Variants in GDA observed in about 807,000 individuals in gnomAD.
The protein encoded by GDA is cytoplasmic PSD-95 interactor.
A neutral mutation model predicts 59.6 loss-of-function variants in GDA; 18 were observed. That is an observed-to-expected ratio of 0.30 (90% CI 0.21 to 0.45). GDA has a LOEUF of 0.45. Ranked by LOEUF, GDA falls within the 20% of genes least tolerant of loss-of-function variation. The pLI is 1.00. For synonymous variants in GDA, 201 were observed against 201.1 expected (o/e 1.00, Z 0.00); for missense variants, 427 against 552.3 (o/e 0.77, Z 2.27).
chr9:72,117,282 A>G (rs1825486532), intron 1 of GDA, among the ~76,000 whole-genome samples: 1 of 152,210 alleles, frequency 6.6e-6, no homozygotes, highest in Non-Finnish European at 1.5e-5. Flanking sequence ...AATAAAGAAA[A>G]TAAGACAGAA....
chr9:72,154,756 T>C (rs1827695062), intron 1 of GDA, among the ~76,000 whole-genome samples: 1 of 152,224 alleles, frequency 6.6e-6, no homozygotes, highest in Non-Finnish European at 1.5e-5. Context: ...TGAATTAGTA[T>C]GGGGCAAAGG....
At chr9:72,140,897 C>T (rs573497647) in intron 1 of GDA, among the ~76,000 whole-genome samples, 1 of 152,278 alleles carries the variant, frequency 6.6e-6, no homozygotes, top group Admixed American at 6.5e-5. Context: ...GTAGCTTACA[C>T]CTGTAATCCC....
chr9:72,120,994 A>G (rs1825640309), intron 1 of GDA, among the ~76,000 whole-genome samples: 1 of 152,102 alleles, frequency 6.6e-6, no homozygotes, highest in South Asian at 2.1e-4. Flanking sequence ...TACTCCATTA[A>G]TGAGTCCCCT....
Position 72,214,856 on chromosome 9 carries a change from C to T in GDA, c.578+865C>T, listed in dbSNP as rs187007911. On this transcript the variant is annotated intron_variant, in intron 5 of 13. Transcript: ENST00000358399. ...TCAAGAGATTCTCCTGCCTCAGCCT[C>T]CCGAGTAGCTGGGATTACAGGCACG... 2.3e-4 allele frequency: 44 copies of T among 195,010 alleles called. 2 individuals carry two copies. The East Asian group carries it at 7.4e-3, about 33-fold the overall frequency. 12.1% of individuals were successfully genotyped at this position (195,010 alleles called of 1,614,324 possible).
At chr9:72,126,450 G>A (rs1233820032) in intron 1 of GDA, among the ~76,000 whole-genome samples, 4 of 152,184 alleles carry the variant, frequency 2.6e-5, no homozygotes, top group African/African-American at 7.2e-5. Context: ...TGATAGACAC[G>A]TGGCATCTCA....
Position 72,223,201 on chromosome 9 carries a change from G to A in GDA, c.688G>A (p.Ala230Thr), listed in dbSNP as rs1426267338. 1.9e-6 allele frequency: 3 copies of A among 1,611,072 alleles called. No homozygotes were observed. The African/African-American group carries it at 4.0e-5, about 22-fold the overall frequency. Residue 230 changes from alanine (A) to threonine (T), a missense_variant, in exon 7 of 14, where the codon GCT (alanine) becomes ACT (threonine). By Grantham distance (58) the Ala-to-Thr change is moderately conservative. Transcript: ENST00000358399. ...ETLMGELGNI[A>T]KTRDLHIQSH... ...TTTGATGGGTGAACTGGGCAACATT[G>A]CTAAAACCCGTGATTTGCACATTCA...
At chr9:72,214,360 C>A (rs2131479526) in intron 5 of GDA, among the ~76,000 whole-genome samples, 1 of 151,056 alleles carries the variant, frequency 6.6e-6, no homozygotes, top group Middle Eastern at 3.4e-3. Flanking sequence ...CTCACTGCAA[C>A]CTTCAGCTCA....
At chr9:72,230,465 T>C (rs1345346633) in intron 9 of GDA, among the ~76,000 whole-genome samples, 2 of 149,544 alleles carry the variant, frequency 1.3e-5, no homozygotes, top group South Asian at 2.1e-4. Flanking sequence ...TACTCCAGCC[T>C]GGATGACAGA....
At chr9:72,134,009 G>C (rs1283159909) in intron 1 of GDA, among the ~76,000 whole-genome samples, 1 of 152,190 alleles carries the variant, frequency 6.6e-6, no homozygotes, top group African/African-American at 2.4e-5. Flanking sequence ...GAACCTATCA[G>C]ATTCTCTACT....
intron 1 of GDA, among the ~76,000 whole-genome samples, chr9:72,129,155 G>A (rs1186775452): frequency 6.6e-6 from 1 of 152,140 alleles, no homozygotes; most frequent in Non-Finnish European, 1.5e-5. Context: ...TACAGATGGG[G>A]TTTTGCCATG....
upstream of GDA, among the ~76,000 whole-genome samples, chr9:72,144,690 T>A (rs7868495): frequency 0.78 from 118,546 of 152,050 alleles, 46,253 homozygotes; most frequent in Middle Eastern, 0.84. Flanking sequence ...GGATACTCAC[T>A]GGCATAACTA....
intron 1 of GDA, among the ~76,000 whole-genome samples, chr9:72,160,885 G>T (rs1828538181): frequency 1.3e-5 from 2 of 152,018 alleles, no homozygotes; most frequent in South Asian, 4.2e-4. Flanking sequence ...CACATTTCAA[G>T]ACTAAATTTA....
chr9:72,256,061 C>G (rs1840875778), downstream of GDA, among the ~76,000 whole-genome samples: 1 of 152,134 alleles, frequency 6.6e-6, no homozygotes, highest in African/African-American at 2.4e-5. Flanking sequence ...TATAATTAAT[C>G]AGTCAGTTTG....
At chr9:72,178,033 T>G (rs961855615) in intron 1 of GDA, among the ~76,000 whole-genome samples, 1 of 152,224 alleles carries the variant, frequency 6.6e-6, no homozygotes, top group African/African-American at 2.4e-5. Context: ...TTATCCATTC[T>G]TATAAAATGC....
At chr9:72,155,059 C>A (rs1297091891) in intron 1 of GDA, among the ~76,000 whole-genome samples, 1 of 152,054 alleles carries the variant, frequency 6.6e-6, no homozygotes, top group South Asian at 2.1e-4. Context: ...ATCAAACTTG[C>A]GATGTGAACA....
chr9:72,211,704 AC>A (rs1470412403), intron 4 of GDA, among the ~76,000 whole-genome samples: 1 of 152,216 alleles, frequency 6.6e-6, no homozygotes, highest in African/African-American at 2.4e-5. Flanking sequence ...TGAGGAGAGG[AC>A]AAACTGTCTT....
intron 3 of GDA, 98 bp from the exon 4 acceptor site, chr9:72,210,589 C>T (rs1587658780): frequency 1.4e-6 from 1 of 696,396 alleles, no homozygotes; most frequent in East Asian, 2.7e-5. Flanking sequence ...TAAATAAAAA[C>T]ATTTTAAAAT....
intron 1 of GDA, among the ~76,000 whole-genome samples, chr9:72,164,499 G>A (rs2130877868): frequency 6.6e-6 from 1 of 152,176 alleles, no homozygotes; most frequent in Middle Eastern, 3.4e-3. Flanking sequence ...TGGAAGATAA[G>A]GACATGCAGA....
intron 1 of GDA, among the ~76,000 whole-genome samples, chr9:72,122,445 A>G (rs1490415379): frequency 6.6e-6 from 1 of 152,166 alleles, no homozygotes; most frequent in Non-Finnish European, 1.5e-5. Context: ...AGTACTTGGC[A>G]GAATGTCTTG....
Sources: allele counts gnomAD v4.1 joint callset (sites outside exome capture counted in the v4.1 genomes callset), GRCh38; gene constraint gnomAD v4.1.1; transcripts MANE v1.5; gene names NCBI Gene and HGNC (gene_info 2026-07-23, HGNC 2026-07-21).